Variants in IPO11 observed in about 807,000 individuals in gnomAD.
IPO11 encodes importin-11.
In IPO11, 66 loss-of-function variants were observed where a neutral mutation model predicts 143.2. The observed-to-expected ratio is 0.46, with a 90% confidence interval of 0.38 to 0.57. The LOEUF (loss-of-function observed/expected upper bound fraction) is 0.57. Ranked by LOEUF, IPO11 falls within the 20% of genes least tolerant of loss-of-function variation. IPO11 has a pLI of 0.00. For synonymous variants in IPO11, 385 were observed against 377.8 expected (o/e 1.02, Z -0.22); for missense variants, 1,026 against 1,141.0 (o/e 0.90, Z 1.45).
chr5:62,537,193 T>C lies in IPO11; in HGVS notation c.2170-16T>C. ...AGATATATTCTTACATATATTGACT[T>C]TTAATTGAATTTCAGACATACGCAG... On this transcript the variant is annotated splice_polypyrimidine_tract_variant and intron_variant, in intron 23 of 29. Transcript: ENST00000325324. 1 of 1,497,736 alleles carries C rather than the reference T, an allele frequency of 6.7e-7. No individual in the cohort carries two copies. Among genetic ancestry groups the C allele is most frequent in the Non-Finnish European group, 9.2e-7 (1 of 1,085,978 alleles). The allele number at this position is 1,497,736 out of a possible 1,614,324, so 92.8% of individuals were successfully genotyped here. A position where few individuals can be genotyped will look rare whatever the true frequency, so the allele number is the denominator to read the frequency against.
Position 62,580,391 on chromosome 5 carries a change from A to T in IPO11, c.2583-11186A>T, listed in dbSNP as rs1365284605. 2.6e-6 allele frequency: 4 copies of T among 1,549,708 alleles called. No individual in the cohort carries two copies. In the African/African-American group the frequency reaches 4.1e-5, roughly 16 times the overall value. ...AACAGAATAATTAGCATTGATAATGATACATTTGAAAATATGGGAGCATCT... is the reference window on the plus strand; with the variant it reads ...AACAGAATAATTAGCATTGATAATGTTACATTTGAAAATATGGGAGCATCT... On this transcript the variant is annotated intron_variant, in intron 27 of 29. Coordinates refer to ENST00000325324, the MANE Select transcript of IPO11 (RefSeq NM_016338.5).
At chr5:62,532,982 A>C (rs1742607709) in intron 22 of IPO11, among the ~76,000 whole-genome samples, 1 of 152,166 alleles carries the variant, frequency 6.6e-6, no homozygotes, top group Non-Finnish European at 1.5e-5. Context: ...TTCAATGAAT[A>C]TAGGTGATGT....
chr5:62,598,031 C>G (rs1275549124), intron 28 of IPO11, among the ~76,000 whole-genome samples: 1 of 152,184 alleles, frequency 6.6e-6, no homozygotes, highest in African/African-American at 2.4e-5. Context: ...ATGCCACTGA[C>G]AGATAAGTAA....
chr5:62,602,108 A>G (rs375337484), intron 29 of IPO11, among the ~76,000 whole-genome samples: 67 of 152,300 alleles, frequency 4.4e-4, no homozygotes, highest in African/African-American at 1.6e-3. Context: ...TATGGAAGGT[A>G]TGTGTGACCT....
intron 1 of IPO11, among the ~76,000 whole-genome samples, chr5:62,421,768 A>T (rs930385308): frequency 6.6e-6 from 1 of 152,264 alleles, no homozygotes; most frequent in Admixed American, 6.5e-5. Context: ...AATGTAGAAT[A>T]GTGATTAACT....
chr5:62,417,022 A>G (rs764415201), intron 1 of IPO11, among the ~76,000 whole-genome samples: 2 of 152,004 alleles, frequency 1.3e-5, no homozygotes, highest in African/African-American at 2.4e-5. Flanking sequence ...TGGGTGAGCC[A>G]CCGTGCCTGG....
chr5:62,435,094 A>ATATATATGTG (rs1744134299), intron 1 of IPO11, among the ~76,000 whole-genome samples: 3 of 53,366 alleles, frequency 5.6e-5, no homozygotes, highest in Admixed American at 1.7e-4. Flanking sequence ...GTATATATGT[A>ATATATATGTG]TATATGTATA....
intron 3 of IPO11, among the ~76,000 whole-genome samples, chr5:62,444,217 C>T (rs927623626): frequency 1.3e-5 from 2 of 151,876 alleles, no homozygotes; most frequent in East Asian, 3.9e-4. Context: ...CTCAGCCTCC[C>T]GAGTAGCTGG....
At chr5:62,440,789 C>T (rs1744442932) in intron 2 of IPO11, among the ~76,000 whole-genome samples, 1 of 152,018 alleles carries the variant, frequency 6.6e-6, no homozygotes, top group South Asian at 2.1e-4. Context: ...ATGGTGAAAG[C>T]CCGTCTTTGC....
intron 25 of IPO11, among the ~76,000 whole-genome samples, chr5:62,550,812 C>G (rs1418943185): frequency 6.6e-6 from 1 of 151,886 alleles, no homozygotes; most frequent in Admixed American, 6.6e-5. Flanking sequence ...TGGTTATTTT[C>G]TAAGAACAGC....
chr5:62,425,670 C>T (rs1222168183), intron 1 of IPO11, among the ~76,000 whole-genome samples: 1 of 152,100 alleles, frequency 6.6e-6, no homozygotes, highest in Non-Finnish European at 1.5e-5. Context: ...AGTACATTAT[C>T]CGGTAAAGAA....
At chr5:62,472,463 TAC>T (rs1205745335) in intron 7 of IPO11, among the ~76,000 whole-genome samples, 8 of 152,034 alleles carry the variant, frequency 5.3e-5, no homozygotes, top group Admixed American at 5.2e-4. Flanking sequence ...AGCAATTAAG[TAC>T]ATCAGTCAAT....
At chr5:62,553,064 ATG>A (rs890131553) in intron 26 of IPO11, among the ~76,000 whole-genome samples, 35 of 152,106 alleles carry the variant, frequency 2.3e-4, no homozygotes, top group African/African-American at 8.0e-4. Context: ...CCTCCTATCT[ATG>A]TGTGATTTTT....
At position 62,512,465 on chromosome 5, in the gene IPO11, A is replaced by C. The variant is rs1321271078; in HGVS notation, c.1783-2923A>C. On this transcript the variant is annotated intron_variant, in intron 19 of 29. Transcript: ENST00000325324. Reference sequence around the variant, plus strand: ...CGTCATCGTATTTGTCCGAATAGTAAATTTGTTTGTGCGACATAAATGATT... The same window carrying C: ...CGTCATCGTATTTGTCCGAATAGTACATTTGTTTGTGCGACATAAATGATT... 8 of 1,172,370 alleles carry C rather than the reference A, an allele frequency of 6.8e-6. No individual in the cohort carries two copies. The South Asian group carries it at 8.7e-5, about 13-fold the overall frequency. The allele number at this position is 1,172,370 out of a possible 1,614,324, so 72.6% of individuals were successfully genotyped here.
chr5:62,535,008 A>ATAATAT, intron 22 of IPO11, among the ~76,000 whole-genome samples: 1 of 133,374 alleles, frequency 7.5e-6, no homozygotes, highest in Non-Finnish European at 1.6e-5. Flanking sequence ...AAGGCTATGT[A>ATAATAT]TAATATTAAT....
chr5:62,441,889 A>G (rs1407533514), intron 2 of IPO11, among the ~76,000 whole-genome samples: 1 of 150,856 alleles, frequency 6.6e-6, no homozygotes, highest in Non-Finnish European at 1.5e-5. Context: ...CTCTGTCACC[A>G]GGTTGGAGCA....
chr5:62,617,652 T>C (rs2112476127), intron 29 of IPO11, among the ~76,000 whole-genome samples: 1 of 152,266 alleles, frequency 6.6e-6, no homozygotes, highest in Admixed American at 6.5e-5. Context: ...AAGTTGATTT[T>C]TTTTTTAATG....
At chr5:62,475,303 T>C (rs192090726) in intron 8 of IPO11, among the ~76,000 whole-genome samples, 5 of 152,214 alleles carry the variant, frequency 3.3e-5, no homozygotes, top group Admixed American at 3.3e-4. Context: ...AGTGAGTCGC[T>C]TGAGCCCAGG....
chr5:62,561,281 T>G, intron 27 of IPO11, 24 bp downstream of exon 27: 1 of 1,451,698 alleles, frequency 6.9e-7, no homozygotes, highest in South Asian at 1.3e-5. Context: ...TTCTTAAAAT[T>G]TGTTTCTTTC....
Sources: allele counts gnomAD v4.1 joint callset (sites outside exome capture counted in the v4.1 genomes callset), GRCh38; gene constraint gnomAD v4.1.1; transcripts MANE v1.5; gene names NCBI Gene and HGNC (gene_info 2026-07-23, HGNC 2026-07-21).